Variants in PPM1H observed in about 807,000 individuals in gnomAD.
The protein encoded by PPM1H is protein phosphatase 1H.
Under a neutral mutation model 54.9 loss-of-function variants are expected in PPM1H, and 27 were observed. That is an observed-to-expected ratio of 0.49 (90% confidence interval 0.36 to 0.68). The LOEUF is 0.68. Ranked by LOEUF, PPM1H falls within the 30% of genes least tolerant of loss-of-function variation. The pLI, the probability that PPM1H is intolerant of heterozygous loss-of-function variation, is 0.00. For synonymous variants in PPM1H, 305 were observed against 270.8 expected (o/e 1.13, Z -1.24); for missense variants, 596 against 667.8 (o/e 0.89, Z 1.19).
chr12:62,693,748 C>T (rs2076096820), intron 7 of PPM1H, among the ~76,000 whole-genome samples, 188 bp downstream of exon 7: 1 of 152,218 alleles, frequency 6.6e-6, no homozygotes, highest in South Asian at 2.1e-4. Context: ...GCCCACCTCC[C>T]ACCCCCACTA....
At position 62,793,728 on chromosome 12, in the gene PPM1H, G is replaced by C. The variant is rs1203314556; in HGVS notation, c.757-5390C>G. ...GCACTCCAGCCTGGGCAACAAGAGA[G>C]AAACTCCGTTTCAAAAAAAAAAAAA... On this transcript the variant is annotated intron_variant, in intron 3 of 9. Coordinates refer to ENST00000228705, the MANE Select transcript of PPM1H (RefSeq NM_020700.2). Among the ~76,000 whole-genome samples the C allele has an allele frequency of 3.8e-4, 30 of 79,886 alleles. 1 individual carries two copies. In the South Asian group the frequency reaches 0.012, roughly 33 times the overall value. The allele number at this position is 79,886 out of a possible 152,430, so 52.4% of individuals were successfully genotyped here.
At chr12:62,670,276 C>T (rs1265974977) in intron 8 of PPM1H, among the ~76,000 whole-genome samples, 3 of 151,988 alleles carry the variant, frequency 2.0e-5, no homozygotes, top group Admixed American at 6.6e-5. Flanking sequence ...CGCGCCTGGC[C>T]GATTCCTAGC....
chr12:62,660,843 G>GT (rs1267179271), intron 9 of PPM1H, among the ~76,000 whole-genome samples: 3 of 152,154 alleles, frequency 2.0e-5, no homozygotes, highest in African/African-American at 7.2e-5. Flanking sequence ...TTTCTCTGAT[G>GT]TCCCAATATT....
chr12:62,773,312 A>C (rs2076590147), intron 4 of PPM1H, among the ~76,000 whole-genome samples: 1 of 151,872 alleles, frequency 6.6e-6, no homozygotes, highest in South Asian at 2.1e-4. Flanking sequence ...CATCTCTGTA[A>C]AAATAAAAAT....
chr12:62,777,976 A>G (rs1367967462), intron 4 of PPM1H, among the ~76,000 whole-genome samples: 2 of 152,204 alleles, frequency 1.3e-5, no homozygotes, highest in African/African-American at 2.4e-5. Context: ...TGGAGAAGAA[A>G]AATAAAAATT....
At chr12:62,716,987 A>G (rs960033108) in intron 6 of PPM1H, among the ~76,000 whole-genome samples, 1 of 151,892 alleles carries the variant, frequency 6.6e-6, no homozygotes. Context: ...TCATTTATTT[A>G]TTTAGAGATG....
At chr12:62,917,536 T>A (rs1871662432) in intron 1 of PPM1H, among the ~76,000 whole-genome samples, 1 of 152,232 alleles carries the variant, frequency 6.6e-6, no homozygotes, top group Non-Finnish European at 1.5e-5. Context: ...AAGGAAAAGC[T>A]TGTCATCACC....
intron 2 of PPM1H, among the ~76,000 whole-genome samples, chr12:62,805,130 A>G (rs1335332242): frequency 6.6e-6 from 1 of 152,228 alleles, no homozygotes; most frequent in Non-Finnish European, 1.5e-5. Flanking sequence ...AAAATCAATA[A>G]TCATCAGGAA....
At chr12:62,713,931 G>A (rs929767549) in intron 6 of PPM1H, among the ~76,000 whole-genome samples, 12 of 151,978 alleles carry the variant, frequency 7.9e-5, no homozygotes, top group African/African-American at 2.2e-4. Context: ...TCATGTGACC[G>A]CCTTCCAGCC....
At chr12:62,745,201 A>T (rs1035364275) in intron 4 of PPM1H, among the ~76,000 whole-genome samples, 2 of 151,910 alleles carry the variant, frequency 1.3e-5, no homozygotes, top group Non-Finnish European at 2.9e-5. Context: ...TTTTTAAAAA[A>T]TTTTATTATT....
At chr12:62,722,082 G>A (rs1315804852) in intron 5 of PPM1H, among the ~76,000 whole-genome samples, 2 of 151,964 alleles carry the variant, frequency 1.3e-5, no homozygotes, top group South Asian at 2.1e-4. Context: ...GGCACCCTCC[G>A]CGACCGCACA....
At chr12:62,881,390 G>C (rs1870388729) in intron 1 of PPM1H, among the ~76,000 whole-genome samples, 1 of 151,826 alleles carries the variant, frequency 6.6e-6, no homozygotes, top group Non-Finnish European at 1.5e-5. Flanking sequence ...ATCAGTGGAA[G>C]GCAGAGAGGA....
chr12:62,679,620 G>GA (rs1167023108), intron 8 of PPM1H, among the ~76,000 whole-genome samples: 1 of 152,058 alleles, frequency 6.6e-6, no homozygotes, highest in Non-Finnish European at 1.5e-5. Context: ...TTATTAATGA[G>GA]AAAAAAATTA....
chr12:62,887,254 A>G (rs1365073530), intron 1 of PPM1H, among the ~76,000 whole-genome samples: 1 of 152,230 alleles, frequency 6.6e-6, no homozygotes, highest in East Asian at 1.9e-4. Context: ...GAGTGTGTCC[A>G]ATTAACAAAA....
At chr12:62,662,817 A>G (rs966857964) in intron 9 of PPM1H, among the ~76,000 whole-genome samples, 1 of 152,172 alleles carries the variant, frequency 6.6e-6, no homozygotes, top group Admixed American at 6.5e-5. Context: ...TAGAAACCCA[A>G]CAGGCCTCAA....
intron 4 of PPM1H, among the ~76,000 whole-genome samples, chr12:62,767,205 C>T (rs904669862): frequency 6.6e-6 from 1 of 152,014 alleles, no homozygotes; most frequent in Non-Finnish European, 1.5e-5. Context: ...TGGGCAACAT[C>T]GGGATGTGAG....
At position 62,647,503 on chromosome 12, in the gene PPM1H, C is replaced by CTATT. The variant is rs2085127739; in HGVS notation, c.*982_*985dup. 2 of 152,184 alleles carry CTATT rather than the reference C, an allele frequency of 1.3e-5. No individual in the cohort carries two copies. Among genetic ancestry groups the CTATT allele is most frequent in the Admixed American group, 6.5e-5 (1 of 15,268 alleles). 9.4% of individuals were successfully genotyped at this position (152,184 alleles called of 1,614,324 possible). ...GATGCAAGCAACTTCTTAAACTGCT[C>CTATT]TATTAAACACTGCTTTATATGTGTC... On this transcript the variant is annotated 3_prime_UTR_variant, in exon 10 of 10. Transcript: ENST00000228705.
At chr12:62,687,233 C>G (rs1279496988) in intron 8 of PPM1H, among the ~76,000 whole-genome samples, 1 of 152,186 alleles carries the variant, frequency 6.6e-6, no homozygotes, top group African/African-American at 2.4e-5. Flanking sequence ...TTCAATCATT[C>G]TGCTCATGGA....
rs181885332 is a variant in PPM1H, at chr12:62,863,299, G to A, written c.246-31020C>T. On this transcript the variant is annotated intron_variant, in intron 1 of 9. Transcript: ENST00000228705. ...CTGCTCTCACCTCCCAAAGTGTTGG[G>A]ATTACAGGCATGAGCGACTGTGCCT... Among the ~76,000 whole-genome samples the A allele has an allele frequency of 3.3e-3, 503 of 152,272 alleles. 1 individual carries two copies. Among genetic ancestry groups the A allele is most frequent in the Non-Finnish European group, 5.8e-3 (395 of 68,024 alleles).
Sources: allele counts gnomAD v4.1 joint callset (sites outside exome capture counted in the v4.1 genomes callset), GRCh38; gene constraint gnomAD v4.1.1; transcripts MANE v1.5; gene names NCBI Gene and HGNC (gene_info 2026-07-23, HGNC 2026-07-21).